The following MYO16 variants were observed in gnomAD, a reference collection of about 807,000 sequenced individuals.
MYO16 encodes the protein myosin XVI, also known as unconventional myosin-XVI.
Under a neutral mutation model 205.3 loss-of-function variants are expected in MYO16, and 94 were observed. The ratio of observed to expected loss-of-function variants is 0.46; its 90% CI spans 0.39 to 0.54. MYO16 has a LOEUF of 0.54. Among genes scored for constraint, MYO16 ranks in the 20% least tolerant of loss-of-function variants. The pLI is 0.00. For missense variants in MYO16, 2,315 were observed against 2,387.5 expected, an observed-to-expected ratio of 0.97 and a Z score of 0.63; for synonymous variants, 988 against 954.0, an observed-to-expected ratio of 1.04 and a Z score of -0.66.
chr13:108,900,047 C>A (rs1448906022), intron 15 of MYO16, among the ~76,000 whole-genome samples: 1 of 152,182 alleles, frequency 6.6e-6, no homozygotes, highest in East Asian at 1.9e-4. Context: ...ACCAGCATGA[C>A]TTTTTCTTCT....
chr13:108,696,600 A>T (rs996432353), intron 2 of MYO16, among the ~76,000 whole-genome samples: 2 of 152,212 alleles, frequency 1.3e-5, no homozygotes, highest in Non-Finnish European at 2.9e-5. Flanking sequence ...CCTGCGGGGA[A>T]GGACCAGGAG....
At chr13:108,771,418 C>A (rs1473891338) in intron 4 of MYO16, among the ~76,000 whole-genome samples, 1 of 152,146 alleles carries the variant, frequency 6.6e-6, no homozygotes, top group East Asian at 1.9e-4. Context: ...ACCCCACACA[C>A]GCAAAGCCTC....
At chr13:108,775,124 C>T (rs986149386) in intron 4 of MYO16, among the ~76,000 whole-genome samples, 1 of 152,184 alleles carries the variant, frequency 6.6e-6, no homozygotes, top group Non-Finnish European at 1.5e-5. Flanking sequence ...CAAATACACA[C>T]ACCAATACAT....
Position 109,140,450 on chromosome 13 carries a change from C to A in MYO16, c.4238C>A (p.Thr1413Asn), listed in dbSNP as rs1421730616. 6.5e-7 allele frequency: 1 copy of A among 1,545,032 alleles called. No homozygotes were observed. Among genetic ancestry groups the A allele is most frequent in the Non-Finnish European group, 8.7e-7 (1 of 1,153,370 alleles). Residue 1413 changes from threonine (T) to asparagine (N), a missense_variant, in exon 32 of 35, where the codon ACT (threonine) becomes AAT (asparagine). Around this residue, in one of 3 missense-constraint regions of MYO16, gnomAD observed 1,097 missense variants for 1,092.0 expected, o/e 1.00. Coordinates refer to ENST00000457511, the MANE Select transcript of MYO16 (RefSeq NM_001198950.3). The surrounding 1 kb of genome is among the most constrained non-coding windows in gnomAD (Gnocchi z 8.0). Reference protein sequence around the residue: ...GAAARVLTPGTPQCALPPAAP... With the variant: ...GAAARVLTPGNPQCALPPAAP... Reference sequence around the variant, plus strand: ...GCAGCGCGCGTTCTGACCCCCGGGACTCCGCAGTGCGCGCTGCCCCCGGCG... The same window carrying A: ...GCAGCGCGCGTTCTGACCCCCGGGAATCCGCAGTGCGCGCTGCCCCCGGCG...
chr13:108,547,553 TAAGC>T, the MYO16 span, among the ~76,000 whole-genome samples: 1 of 152,192 alleles, frequency 6.6e-6, no homozygotes, highest in African/African-American at 2.4e-5. Context: ...TGTATACTAT[TAAGC>T]ACATCTTCTT....
intron 27 of MYO16, among the ~76,000 whole-genome samples, chr13:109,060,432 A>G (rs1440400514): frequency 1.3e-5 from 2 of 152,032 alleles, no homozygotes; most frequent in African/African-American, 4.8e-5. Flanking sequence ...AGAGTTGAAC[A>G]ATGAAATCAC....
intron 14 of MYO16, among the ~76,000 whole-genome samples, chr13:108,891,192 G>A (rs1880155561): frequency 6.6e-6 from 1 of 152,208 alleles, no homozygotes; most frequent in East Asian, 1.9e-4. Context: ...CAACCCATTT[G>A]TATGTCATCA....
rs1295213682 is a variant in MYO16 at position 109,140,385 on chromosome 13, C to T, written c.4173C>T (p.Ser1391=). Residue 1391 remains serine, a synonymous_variant, in exon 32 of 35, where the codon TCC becomes TCT. Coordinates refer to ENST00000457511, the MANE Select transcript of MYO16 (RefSeq NM_001198950.3). The surrounding 1 kb of genome is among the most constrained non-coding windows in gnomAD (Gnocchi z 8.0). ...LSGSYEEISG[S]RPGDARPAGA... ...GCTCCTACGAGGAGATATCGGGGTCCCGGCCCGGGGACGCGAGGCCCGCGG... is the reference window on the plus strand; with the variant it reads ...GCTCCTACGAGGAGATATCGGGGTCTCGGCCCGGGGACGCGAGGCCCGCGG... 1 of 1,598,136 alleles carries T rather than the reference C, an allele frequency of 6.3e-7. No individual in the cohort carries two copies. Among genetic ancestry groups the T allele is most frequent in the Admixed American group, 1.7e-5 (1 of 59,572 alleles).
chr13:108,756,865 T>C lies in MYO16; in HGVS notation c.508-28770T>C, dbSNP rs566653585. 3.3e-5 allele frequency among the ~76,000 whole-genome samples: 5 copies of C among 152,330 alleles called. No homozygotes were observed. The East Asian group carries it at 9.6e-4, about 29-fold the overall frequency. On this transcript the variant is annotated intron_variant, in intron 4 of 34. Coordinates refer to ENST00000457511, the MANE Select transcript of MYO16 (RefSeq NM_001198950.3). ...AGTTGACACGTAATTAACCATCATA[T>C]ATTCTATGGATAATTTTATGGAGTT...
intron 27 of MYO16, among the ~76,000 whole-genome samples, chr13:109,058,765 T>G (rs1887495308): frequency 6.6e-6 from 1 of 152,076 alleles, no homozygotes; most frequent in Non-Finnish European, 1.5e-5. Context: ...ATTGACTCCC[T>G]TTCATGAAAA....
chr13:108,983,051 A>G (rs936502828), intron 20 of MYO16, among the ~76,000 whole-genome samples: 5 of 152,208 alleles, frequency 3.3e-5, no homozygotes, highest in African/African-American at 1.2e-4. Flanking sequence ...TGCCAGTAAT[A>G]TTTGAACATT....
intron 34 of MYO16, 134 bp from the exon 35 acceptor site, chr13:109,206,475 A>G: frequency 3.0e-6 from 2 of 659,216 alleles, no homozygotes; most frequent in Non-Finnish European, 5.3e-6. Context: ...GCAGCAGTGC[A>G]TGGAGATTGA....
Position 109,207,611 on chromosome 13 carries a change from A to G in MYO16, c.*775A>G, listed in dbSNP as rs984097845. On this transcript the variant is annotated 3_prime_UTR_variant, in exon 35 of 35. Coordinates refer to ENST00000457511, the MANE Select transcript of MYO16 (RefSeq NM_001198950.3). ...AGTGGATTGTGTACCCTTTAGTTAA[A>G]TTTCACCTCCCGACTTCAGCATAGA... The G allele has an allele frequency of 3.3e-5, 5 of 152,088 alleles. No homozygotes were observed. The highest frequency in any genetic ancestry group is 1.2e-4 in the African/African-American group (5 of 41,402). 9.4% of individuals were successfully genotyped at this position (152,088 alleles called of 1,614,324 possible). A position where few individuals can be genotyped will look rare whatever the true frequency, so the allele number is the denominator to read the frequency against.
At chr13:108,775,842 G>A (rs1886107165) in intron 4 of MYO16, among the ~76,000 whole-genome samples, 2 of 152,216 alleles carry the variant, frequency 1.3e-5, no homozygotes, top group Non-Finnish European at 1.5e-5. Context: ...GAATTATGGT[G>A]TTTGCACATG....
chr13:109,187,573 C>T (rs954597121), intron 34 of MYO16, among the ~76,000 whole-genome samples: 3 of 152,128 alleles, frequency 2.0e-5, no homozygotes, highest in Admixed American at 6.6e-5. Context: ...GTTTTGTTTC[C>T]ATTTTCATTC....
chr13:108,901,961 G>A (rs537769473), intron 15 of MYO16, among the ~76,000 whole-genome samples: 1 of 152,300 alleles, frequency 6.6e-6, no homozygotes, highest in South Asian at 2.1e-4. Flanking sequence ...AATATGTTCA[G>A]AAAATGTTTA....
At chr13:108,837,219 CCT>C (rs1202238721) in intron 9 of MYO16, among the ~76,000 whole-genome samples, 4 of 152,118 alleles carry the variant, frequency 2.6e-5, no homozygotes, top group Non-Finnish European at 5.9e-5. Flanking sequence ...TGGCTTTTCC[CCT>C]GTTGGCACTT....
At chr13:108,680,362 GT>G (rs1447777944) in intron 2 of MYO16, among the ~76,000 whole-genome samples, 2 of 152,172 alleles carry the variant, frequency 1.3e-5, no homozygotes, top group African/African-American at 2.4e-5. Context: ...GCTAGCAACT[GT>G]TTCTACAATG....
chr13:108,955,246 C>A (rs1036821881), intron 16 of MYO16, among the ~76,000 whole-genome samples: 1 of 152,138 alleles, frequency 6.6e-6, no homozygotes, highest in Non-Finnish European at 1.5e-5. Flanking sequence ...AACTCCACAC[C>A]CTCTCCTTAC....
Sources: allele counts gnomAD v4.1 joint callset (sites outside exome capture counted in the v4.1 genomes callset), GRCh38; gene constraint gnomAD v4.1.1; regional missense constraint gnomAD v4.1.1; non-coding constraint Gnocchi (gnomAD v3.1); transcripts MANE v1.5; gene names NCBI Gene and HGNC (gene_info 2026-07-23, HGNC 2026-07-21).